Variants in ABCA5 observed in about 807,000 individuals in gnomAD.
ABCA5 encodes the protein ATP binding cassette subfamily A member 5.
Under a neutral mutation model 206.0 loss-of-function variants are expected in ABCA5, and 163 were observed. The ratio of observed to expected loss-of-function variants is 0.79; its 90% CI spans 0.70 to 0.90. The LOEUF (loss-of-function observed/expected upper bound fraction) is 0.90. Ranked by LOEUF, ABCA5 falls within the 40% of genes least tolerant of loss-of-function variation. The probability of loss-of-function intolerance (pLI) is 0.00; values close to 1 mark genes in which losing one functional copy is unlikely to be tolerated. For missense variants in ABCA5, 1,859 were observed against 1,912.9 expected (o/e 0.97, Z 0.53); for synonymous variants, 609 against 613.8 (o/e 0.99, Z 0.11).
At position 69,297,198 on chromosome 17, in the gene ABCA5, CT is replaced by C. The variant is rs780887221; in HGVS notation, c.1428del (p.Ala477ProfsTer2). ...EPVSSEFVGKEAIRISGIQKT... is the reference protein window; with the variant it reads ...EPVSSEFVGKXAIRISGIQKT... The stretch of plus-strand genomic sequence containing the variant: ...CCAAAGATTGAACCATACCTTATGG[CT>C]TCTTTTCCTACAAATTCTGAAGAAA... On this transcript the variant is annotated frameshift_variant, in exon 10 of 39. Coordinates refer to ENST00000392676, the MANE Select transcript of ABCA5 (RefSeq NM_172232.4). LOFTEE classifies it high-confidence loss of function. 1 of 1,611,110 alleles carries C rather than the reference CT, an allele frequency of 6.2e-7. No homozygotes were observed.
chr17:69,289,310 G>C lies in ABCA5; in HGVS notation c.1783-14C>G, dbSNP rs576891535. ...AACCTTCTGCACCTGTAAAAGTAAA[G>C]CATGAACAATGTTATTTTAAAAATC... On this transcript the variant is annotated splice_polypyrimidine_tract_variant and intron_variant, in intron 13 of 38. Transcript: ENST00000392676. 3 of 1,510,054 alleles carry C rather than the reference G, an allele frequency of 2.0e-6. No homozygotes were observed. Among genetic ancestry groups the C allele is most frequent in the Non-Finnish European group, 8.8e-7 (1 of 1,135,242 alleles). 93.5% of individuals were successfully genotyped at this position (1,510,054 alleles called of 1,614,324 possible).
Position 69,258,164 on chromosome 17 carries a change from C to T in ABCA5, c.3731+1542G>A, listed in dbSNP as rs147118354. On this transcript the variant is annotated intron_variant, in intron 28 of 38. Coordinates refer to ENST00000392676, the MANE Select transcript of ABCA5 (RefSeq NM_172232.4). Reference sequence around the variant, plus strand: ...ACCATTCAACCCAGCAATCCTACTACTGGATATATATCCAAAGGAAAAAAA... The same window carrying T: ...ACCATTCAACCCAGCAATCCTACTATTGGATATATATCCAAAGGAAAAAAA... Among the ~76,000 whole-genome samples the T allele has an allele frequency of 1.3e-3, 191 of 152,000 alleles. 1 individual carries two copies. The highest frequency in any genetic ancestry group is 1.4e-3 in the Non-Finnish European group (96 of 67,968).
intron 14 of ABCA5, among the ~76,000 whole-genome samples, chr17:69,288,314 C>G (rs1449215223): frequency 6.6e-6 from 1 of 152,026 alleles, no homozygotes; most frequent in Non-Finnish European, 1.5e-5. Context: ...AGTTTTGATG[C>G]CCTGTGTAAA....
Position 69,250,618 on chromosome 17 carries a change from A to T in ABCA5, c.4539T>A (p.Cys1513Ter). Reference sequence around the variant, plus strand: ...TCTTTAGATGTTGTACTGTTCCGATACATCTGAAGTAATTTTTTAAAAGAA... The same window carrying T: ...TCTTTAGATGTTGTACTGTTCCGATTCATCTGAAGTAATTTTTTAAAAGAA... Reference protein sequence around the residue: ...VAIMVSGQLRCIGTVQHLKSK... With the variant: ...VAIMVSGQLR The change falls in exon 36 of 39, where the codon TGT becomes TGA. Residue 1513 changes from cysteine to a stop codon, truncating the protein, a stop_gained. Transcript: ENST00000392676. LOFTEE classifies it high-confidence loss of function. 6.5e-7 allele frequency: 1 copy of T among 1,542,680 alleles called. No individual in the cohort carries two copies. The highest frequency in any genetic ancestry group is 8.7e-7 in the Non-Finnish European group (1 of 1,150,960).
intron 1 of ABCA5, chr17:69,325,799 C>G (rs369574141): frequency 1.3e-5 from 2 of 152,236 alleles, no homozygotes; most frequent in Non-Finnish European, 2.9e-5. Flanking sequence ...CCACTGCACT[C>G]TAGCCCGAGA....
Position 69,256,295 on chromosome 17 carries a change from T to C in ABCA5, c.3732-12A>G. On this transcript the variant is annotated splice_polypyrimidine_tract_variant and intron_variant, in intron 28 of 38. Transcript: ENST00000392676. ...TCGTTGAAAGGTTTCTACATATATA[T>C]AATAAATATAAAAGACAGTAGGTTT... 6.6e-7 allele frequency: 1 copy of C among 1,504,228 alleles called. No homozygotes were observed. The highest frequency in any genetic ancestry group is 9.0e-7 in the Non-Finnish European group (1 of 1,116,298). 93.2% of individuals were successfully genotyped at this position (1,504,228 alleles called of 1,614,324 possible).
chr17:69,248,221 T>C (rs2074973400), intron 38 of ABCA5, 41 bp downstream of exon 38: 3 of 1,205,338 alleles, frequency 2.5e-6, no homozygotes, highest in Non-Finnish European at 3.5e-6. Flanking sequence ...TCAGATACTT[T>C]CTTCTATAAA....
chr17:69,249,436 TCAG>T lies in ABCA5; in HGVS notation c.4765+466_4765+468del, dbSNP rs377435910. The T allele has an allele frequency of 9.1e-5, 14 of 154,686 alleles. No homozygotes were observed. The East Asian group carries it at 2.5e-3, about 27-fold the overall frequency. The allele number at this position is 154,686 out of a possible 1,614,324, so 9.6% of individuals were successfully genotyped here. ...GGGGACTGCCCACCCCTCGCTACAC[TCAG>T]AATTCTCTTTGCCACTGGAGTCTTG... On this transcript the variant is annotated intron_variant, in intron 37 of 38. Transcript: ENST00000392676.
intron 34 of ABCA5, among the ~76,000 whole-genome samples, chr17:69,252,601 C>T (rs2075028338): frequency 6.6e-6 from 1 of 151,832 alleles, no homozygotes; most frequent in Admixed American, 6.6e-5. Flanking sequence ...TTTGGGAGGC[C>T]GAAGGGGGCG....
intron 3 of ABCA5, among the ~76,000 whole-genome samples, chr17:69,311,463 G>A (rs2075768609): frequency 6.6e-6 from 1 of 151,898 alleles, no homozygotes; most frequent in Non-Finnish European, 1.5e-5. Flanking sequence ...TGACTTAGTT[G>A]TTTTTTGTTT....
At chr17:69,256,518 C>T (rs1176121430) in intron 28 of ABCA5, among the ~76,000 whole-genome samples, 3 of 148,692 alleles carry the variant, frequency 2.0e-5, no homozygotes, top group Non-Finnish European at 4.4e-5. Flanking sequence ...TGCAGTGGTA[C>T]GATCTCAGGT....
At chr17:69,325,050 C>G (rs1274571979) in intron 1 of ABCA5, among the ~76,000 whole-genome samples, 2 of 150,902 alleles carry the variant, frequency 1.3e-5, no homozygotes, top group Non-Finnish European at 2.9e-5. Flanking sequence ...CAGTCAGGTG[C>G]AGTGGCTCAC....
At chr17:69,280,930 C>A (rs2144960625) in intron 18 of ABCA5, among the ~76,000 whole-genome samples, 1 of 151,930 alleles carries the variant, frequency 6.6e-6, no homozygotes, top group South Asian at 2.1e-4. Context: ...ATACCTAATG[C>A]TAGATGATGA....
intron 20 of ABCA5, among the ~76,000 whole-genome samples, 182 bp from the exon 21 acceptor site, chr17:69,271,471 C>T (rs1045178332): frequency 3.9e-5 from 6 of 151,970 alleles, no homozygotes; most frequent in Non-Finnish European, 7.3e-5. Flanking sequence ...TTAAACTATT[C>T]GTCCTTCAAG....
At chr17:69,318,251 T>C (rs1368134825) in intron 1 of ABCA5, among the ~76,000 whole-genome samples, 1 of 151,944 alleles carries the variant, frequency 6.6e-6, no homozygotes, top group Non-Finnish European at 1.5e-5. Context: ...CCTGCCACCA[T>C]GCTCAGCTAA....
chr17:69,288,448 T>C (rs928355235), intron 14 of ABCA5, among the ~76,000 whole-genome samples: 5 of 152,224 alleles, frequency 3.3e-5, no homozygotes, highest in Admixed American at 6.5e-5. Flanking sequence ...TTCTTAACTT[T>C]TGTTATTAAC....
At chr17:69,320,778 T>C (rs1339310333) in intron 1 of ABCA5, among the ~76,000 whole-genome samples, 1 of 152,180 alleles carries the variant, frequency 6.6e-6, no homozygotes, top group Non-Finnish European at 1.5e-5. Flanking sequence ...CAGTCCACAG[T>C]GTCTAAGCAG....
rs1017653034 is a variant in ABCA5, at chr17:69,269,205, C to G, written c.3031-1149G>C. Among the ~76,000 whole-genome samples, 9 of 151,802 alleles carry G rather than the reference C, an allele frequency of 5.9e-5. 1 individual carries two copies. The highest frequency in any genetic ancestry group is 5.9e-4 in the Admixed American group (9 of 15,252). ...TGGATACAGACATATGTAGTAACAT[C>G]AAAAAAACACGTATGGGAATTACAA... On this transcript the variant is annotated intron_variant, in intron 22 of 38. Transcript: ENST00000392676.
At chr17:69,285,847 C>A in intron 17 of ABCA5, 51 bp downstream of exon 17, 2 of 1,535,426 alleles carry the variant, frequency 1.3e-6, no homozygotes, top group South Asian at 1.3e-5. Context: ...GAAACCTATT[C>A]CCAATATAGG....
Sources: gnomAD v4.1 joint callset for allele counts (sites outside exome capture counted in the v4.1 genomes callset) on GRCh38, gnomAD v4.1.1 for gene constraint, MANE v1.5 for transcripts, NCBI Gene and HGNC (gene_info 2026-07-23, HGNC 2026-07-21) for gene names.